Variants in RALGDS observed in about 807,000 individuals in gnomAD.
The protein encoded by RALGDS is ral guanine nucleotide dissociation stimulator, also known as ral guanine nucleotide exchange factor.
Under a neutral mutation model 99.8 loss-of-function variants are expected in RALGDS, and 44 were observed. The observed-to-expected ratio is 0.44, with a 90% CI of 0.35 to 0.57. RALGDS has a LOEUF of 0.57. Ranked by LOEUF, RALGDS falls within the 20% of genes least tolerant of loss-of-function variation. RALGDS has a pLI of 0.01. For synonymous variants in RALGDS, 529 were observed against 505.0 expected (o/e 1.05, Z -0.64); for missense variants, 1,022 against 1,203.1 (o/e 0.85, Z 2.23).
At chr9:133,129,826 T>C (rs1243104735) in intron 1 of RALGDS, among the ~76,000 whole-genome samples, 1 of 134,436 alleles carries the variant, frequency 7.4e-6, no homozygotes, top group Non-Finnish European at 1.6e-5. Context: ...TTTTTTTTTT[T>C]TTTCCCTGAG....
chr9:133,131,525 C>G (rs996591445), upstream of RALGDS, among the ~76,000 whole-genome samples: 1 of 152,046 alleles, frequency 6.6e-6, no homozygotes, highest in Admixed American at 6.5e-5. Context: ...CCCTTGGTCT[C>G]AGGACTCGGC....
chr9:133,109,450 G>A (rs111906279), intron 4 of RALGDS, among the ~76,000 whole-genome samples, 176 bp downstream of exon 4: 3 of 152,252 alleles, frequency 2.0e-5, no homozygotes, highest in South Asian at 2.1e-4. Context: ...CACAGCTCTC[G>A]GTCGTCTTTC....
rs199917892 is a variant in RALGDS, at chr9:133,112,117, G to A, written c.219C>T (p.Asn73=). ...STQEIGEELI[N]GVIYSISLRK... is the part of the protein sequence containing the mutation. ...GCAGGGAGATGGAGTAGATGACTCC[G>A]TTGATCAGCTCCTCACCGATCTCCT... Residue 73 remains asparagine (N), a synonymous_variant, in exon 2 of 18, where the codon AAC becomes AAT. Coordinates refer to ENST00000372050, the MANE Select transcript of RALGDS (RefSeq NM_006266.4). 2.5e-5 allele frequency: 39 copies of A among 1,580,350 alleles called. No individual in the cohort carries two copies. The highest frequency in any genetic ancestry group is 9.4e-5 in the African/African-American group (7 of 74,136).
chr9:133,119,585 C>T (rs549288375), intron 1 of RALGDS, among the ~76,000 whole-genome samples: 4 of 152,206 alleles, frequency 2.6e-5, no homozygotes, highest in South Asian at 4.2e-4. Flanking sequence ...CCACTGTGAG[C>T]GCTCCGCCGG....
intron 1 of RALGDS, among the ~76,000 whole-genome samples, chr9:133,140,890 C>A (rs1832509982): frequency 6.6e-6 from 1 of 152,200 alleles, no homozygotes; most frequent in South Asian, 2.1e-4. Flanking sequence ...CTCCCCGCCA[C>A]TGTCTGTGCT....
chr9:133,106,166 G>T, intron 8 of RALGDS, 150 bp from the exon 9 acceptor site: 1 of 674,142 alleles, frequency 1.5e-6, no homozygotes, highest in Non-Finnish European at 2.7e-6. Context: ...TGCAGGTCTG[G>T]GGAGGGGGCC....
intron 1 of RALGDS, among the ~76,000 whole-genome samples, chr9:133,146,135 G>A (rs995361581): frequency 6.6e-6 from 1 of 152,192 alleles, no homozygotes; most frequent in Non-Finnish European, 1.5e-5. Context: ...GCATATGGGA[G>A]CATCTTCCAA....
At chr9:133,128,121 G>A (rs540410827) in intron 1 of RALGDS, among the ~76,000 whole-genome samples, 4 of 152,340 alleles carry the variant, frequency 2.6e-5, no homozygotes, top group Admixed American at 6.5e-5. Context: ...TGCAGTGCTC[G>A]CTGCCTGGCA....
chr9:133,116,164 G>A (rs1831600759), intron 1 of RALGDS, among the ~76,000 whole-genome samples: 1 of 152,196 alleles, frequency 6.6e-6, no homozygotes, highest in Non-Finnish European at 1.5e-5. Context: ...CCTGCCCTCG[G>A]GCCTGCCCTC....
At chr9:133,135,153 G>A (rs1043768467), upstream of RALGDS, among the ~76,000 whole-genome samples, 2 of 152,152 alleles carry the variant, frequency 1.3e-5, no homozygotes, top group African/African-American at 4.8e-5. Flanking sequence ...CACCCCAGTG[G>A]GGAGGACCTT....
rs748246085 is a variant in RALGDS, at chr9:133,108,169, G to A, written c.1016C>T (p.Pro339Leu). The change falls in exon 6 of 18, where the codon CCA (proline) becomes CTA (leucine). Residue 339 changes from proline to leucine, a missense_variant. Physicochemically the swap from Pro to Leu is moderately conservative, Grantham distance 98. Around this residue, in one of 3 missense-constraint regions of RALGDS, gnomAD observed 825 missense variants for 994.5 expected, o/e 0.83. Coordinates refer to ENST00000372050, the MANE Select transcript of RALGDS (RefSeq NM_006266.4). Reference sequence around the variant, plus strand: ...TTGTGAGGGAGCTGGATCCTGTTCTGGAGCTGGCTCTAGTTCCAGAGCTGG... The same window carrying A: ...TTGTGAGGGAGCTGGATCCTGTTCTAGAGCTGGCTCTAGTTCCAGAGCTGG... ...PAPALELEPA[P>L]EQDPAPSQTL... 1.2e-5 allele frequency: 20 copies of A among 1,613,498 alleles called. No individual in the cohort carries two copies. In the South Asian group the frequency reaches 1.9e-4, roughly 15 times the overall value.
At position 133,142,361 on chromosome 9, in the gene RALGDS, G is replaced by A. The variant is rs113699099; in HGVS notation, c.18+6602C>T. Reference sequence around the variant, plus strand: ...AGAGTCTTCTTTTTGGGCCAGGGGTGGGTGTGCGCTGGTGGGGGTTGGAAG... The same window carrying A: ...AGAGTCTTCTTTTTGGGCCAGGGGTAGGTGTGCGCTGGTGGGGGTTGGAAG... On this transcript the variant is annotated intron_variant, in intron 1 of 17. Transcript: ENST00000393160. Among the ~76,000 whole-genome samples, 1,101 of 152,234 alleles carry A rather than the reference G, an allele frequency of 7.2e-3. 11 individuals carry two copies. Among genetic ancestry groups the A allele is most frequent in the African/African-American group, 0.025 (1,038 of 41,532 alleles).
intron 17 of RALGDS, 172 bp from the exon 18 acceptor site, chr9:133,098,934 ACT>A (rs1445241003): frequency 1.5e-6 from 1 of 647,498 alleles, no homozygotes; most frequent in Non-Finnish European, 2.7e-6. Flanking sequence ...CTGAGGACAG[ACT>A]CTGCTGAGGT....
chr9:133,140,080 G>A (rs960445156), intron 1 of RALGDS, among the ~76,000 whole-genome samples: 3 of 151,560 alleles, frequency 2.0e-5, no homozygotes, highest in South Asian at 2.1e-4. Context: ...CTTGATCATC[G>A]GGACAGATAA....
chr9:133,101,605 G>A lies in RALGDS; in HGVS notation c.2369C>T (p.Pro790Leu), dbSNP rs530209393. Reference protein sequence around the residue: ...SGLCNSSSALPLYNQQVGDCC... With the variant: ...SGLCNSSSALLLYNQQVGDCC... ...GTCGCCCACCTGCTGGTTGTAGAGC[G>A]GCAGCGCGGAGCTGGAGTTGCAGAG... Residue 790 changes from proline (P) to leucine (L), a missense_variant, in exon 16 of 18, where the codon CCG becomes CTG. By Grantham distance (98) the Pro-to-Leu change is moderately conservative. Transcript: ENST00000372050. 2.7e-5 allele frequency: 43 copies of A among 1,613,026 alleles called. No homozygotes were observed. In the South Asian group the frequency reaches 2.7e-4, roughly 10 times the overall value.
upstream of RALGDS, among the ~76,000 whole-genome samples, chr9:133,134,065 G>T (rs2519198): frequency 6.6e-6 from 1 of 152,032 alleles, no homozygotes; most frequent in Non-Finnish European, 1.5e-5. Context: ...GTGTCCAGCT[G>T]GGGGGACACT....
At chr9:133,125,126 A>T (rs1832106739), upstream of RALGDS, among the ~76,000 whole-genome samples, 1 of 152,276 alleles carries the variant, frequency 6.6e-6, no homozygotes, top group Non-Finnish European at 1.5e-5. Flanking sequence ...TCATGATGTC[A>T]GCAAGACAAC....
At position 133,098,548 on chromosome 9, in the gene RALGDS, T is replaced by C; in HGVS notation, c.*39A>G. ...GGCCTGGGCCACTCTGGTCCATAAGTGCTTGGCTACCAGCCAGCCAGACCC... is the reference window on the plus strand; with the variant it reads ...GGCCTGGGCCACTCTGGTCCATAAGCGCTTGGCTACCAGCCAGCCAGACCC... On this transcript the variant is annotated 3_prime_UTR_variant, in exon 18 of 18. Coordinates refer to ENST00000372050, the MANE Select transcript of RALGDS (RefSeq NM_006266.4). 1.2e-6 allele frequency: 2 copies of C among 1,610,966 alleles called. No individual in the cohort carries two copies. The highest frequency in any genetic ancestry group is 1.7e-6 in the Non-Finnish European group (2 of 1,178,566).
Position 133,098,187 on chromosome 9 carries a change from C to T in RALGDS, c.*400G>A, listed in dbSNP as rs1473836601. The T allele has an allele frequency of 2.8e-6, 1 of 361,156 alleles. No homozygotes were observed. Among genetic ancestry groups the T allele is most frequent in the Admixed American group, 4.4e-5 (1 of 22,512 alleles). 22.4% of individuals were successfully genotyped at this position (361,156 alleles called of 1,614,324 possible). A position where few individuals can be genotyped will look rare whatever the true frequency, so the allele number is the denominator to read the frequency against. On this transcript the variant is annotated 3_prime_UTR_variant, in exon 18 of 18. Coordinates refer to ENST00000372050, the MANE Select transcript of RALGDS (RefSeq NM_006266.4). Reference sequence around the variant, plus strand: ...AAGGTCACAGGCCAGTGCCTGTGGGCATGAGAGAACTGCAGTGGTCACAGT... The same window carrying T: ...AAGGTCACAGGCCAGTGCCTGTGGGTATGAGAGAACTGCAGTGGTCACAGT...
Sources: allele counts gnomAD v4.1 joint callset (sites outside exome capture counted in the v4.1 genomes callset), GRCh38; gene constraint gnomAD v4.1.1; regional missense constraint gnomAD v4.1.1; transcripts MANE v1.5; gene names NCBI Gene and HGNC (gene_info 2026-07-23, HGNC 2026-07-21).